PCDH9: variants seen among roughly 807,000 people sequenced by gnomAD.
PCDH9 encodes protocadherin-9.
Under a neutral mutation model 70.6 loss-of-function variants are expected in PCDH9, and 24 were observed. That is an observed-to-expected ratio of 0.34 (90% CI 0.25 to 0.48). The LOEUF is 0.48. Among genes scored for constraint, PCDH9 ranks in the 20% least tolerant of loss-of-function variants. PCDH9 has a pLI of 0.99. For synonymous variants in PCDH9, 562 were observed against 558.5 expected (o/e 1.01, Z -0.09); for missense variants, 1,281 against 1,503.6 (o/e 0.85, Z 2.45).
intron 2 of PCDH9, among the ~76,000 whole-genome samples, chr13:67,124,842 C>A (rs1333946913): frequency 6.6e-6 from 1 of 152,124 alleles, no homozygotes; most frequent in African/African-American, 2.4e-5. Flanking sequence ...ATTTTGGATT[C>A]TCTTTGATTT....
At chr13:66,849,374 A>G (rs1436959572) in intron 3 of PCDH9, among the ~76,000 whole-genome samples, 1 of 151,642 alleles carries the variant, frequency 6.6e-6, no homozygotes, top group Non-Finnish European at 1.5e-5. Flanking sequence ...CAGGTGTCCT[A>G]TGGGATCCCA....
intron 3 of PCDH9, among the ~76,000 whole-genome samples, chr13:66,892,373 T>G (rs2082111117): frequency 6.6e-6 from 1 of 151,660 alleles, no homozygotes; most frequent in Admixed American, 6.6e-5. Flanking sequence ...CATAATAAGA[T>G]GTCCATTTTA....
chr13:66,903,693 A>C, intron 2 of PCDH9, 88 bp from the exon 3 acceptor site: 1 of 578,760 alleles, frequency 1.7e-6, no homozygotes, highest in Non-Finnish European at 3.2e-6. Flanking sequence ...TGAGCCTAAT[A>C]AAGGAATACC....
chr13:67,155,539 G>C (rs2087787339), intron 2 of PCDH9, among the ~76,000 whole-genome samples: 1 of 152,086 alleles, frequency 6.6e-6, no homozygotes, highest in South Asian at 2.1e-4. Flanking sequence ...AAAATAACAA[G>C]GGAGCATATG....
chr13:66,505,499 G>A (rs1295450526), intron 4 of PCDH9, among the ~76,000 whole-genome samples: 1 of 151,568 alleles, frequency 6.6e-6, no homozygotes, highest in Non-Finnish European at 1.5e-5. Flanking sequence ...TACAATGCAA[G>A]GAGATGTTTG....
chr13:66,531,836 A>G (rs138274879), intron 4 of PCDH9, among the ~76,000 whole-genome samples: 360 of 152,316 alleles, frequency 2.4e-3, no homozygotes, highest in African/African-American at 8.3e-3. Context: ...TTGTTAATCA[A>G]CAATAGCACA....
chr13:66,375,578 A>G (rs1956733188), intron 4 of PCDH9, among the ~76,000 whole-genome samples: 1 of 152,138 alleles, frequency 6.6e-6, no homozygotes, highest in Non-Finnish European at 1.5e-5. Flanking sequence ...ACAAAATTTT[A>G]AGTATTATCT....
Position 66,890,843 on chromosome 13 carries a change from T to C in PCDH9, c.3138+12661A>G, listed in dbSNP as rs1258139346. Among the ~76,000 whole-genome samples the C allele has an allele frequency of 3.3e-5, 5 of 152,230 alleles. No individual in the cohort carries two copies. The East Asian group carries it at 9.6e-4, about 29-fold the overall frequency. ...CAGTAGCCTTGAATAAAATCTTCCTTGTCTGTTTAACTCTGTCAGTGTAAT... is the reference window on the plus strand; with the variant it reads ...CAGTAGCCTTGAATAAAATCTTCCTCGTCTGTTTAACTCTGTCAGTGTAAT... On this transcript the variant is annotated intron_variant, in intron 3 of 4. Transcript: ENST00000377865.
At chr13:66,850,976 A>C (rs147181631) in intron 3 of PCDH9, among the ~76,000 whole-genome samples, 99 of 152,332 alleles carry the variant, frequency 6.5e-4, no homozygotes, top group African/African-American at 2.2e-3. Flanking sequence ...GACCTCCTTG[A>C]GGAAATTCTG....
intron 4 of PCDH9, among the ~76,000 whole-genome samples, chr13:66,313,752 G>A (rs1955604369): frequency 6.6e-6 from 1 of 152,118 alleles, no homozygotes; most frequent in Non-Finnish European, 1.5e-5. Flanking sequence ...CTTCAGCCTT[G>A]TTTCTCTCCT....
chr13:66,935,756 A>G lies in PCDH9; in HGVS notation c.3037-32151T>C, dbSNP rs896371509. On this transcript the variant is annotated intron_variant, in intron 2 of 4. Transcript: ENST00000377865. ...AGTTCTACTAGTCACAAAGTTAGTT[A>G]CAGAACAACCCTTTTCAATATTAAT... 3.9e-5 allele frequency among the ~76,000 whole-genome samples: 6 copies of G among 152,182 alleles called. No homozygotes were observed. The South Asian group carries it at 1.2e-3, about 31-fold the overall frequency.
intron 3 of PCDH9, among the ~76,000 whole-genome samples, chr13:66,833,296 T>C (rs867613902): frequency 7.2e-5 from 11 of 152,308 alleles, no homozygotes; most frequent in South Asian, 6.2e-4. Flanking sequence ...GGATTCCATA[T>C]CTTGTCTTGT....
intron 3 of PCDH9, among the ~76,000 whole-genome samples, chr13:66,840,382 A>G (rs1234569417): frequency 6.6e-6 from 1 of 152,242 alleles, no homozygotes; most frequent in African/African-American, 2.4e-5. Context: ...TTAAATATTC[A>G]AATACATCTT....
At chr13:66,650,303 A>G (rs1418704200) in intron 3 of PCDH9, among the ~76,000 whole-genome samples, 2 of 152,054 alleles carry the variant, frequency 1.3e-5, no homozygotes, top group Admixed American at 6.5e-5. Context: ...TTCTATGCAA[A>G]TGGAAACTAA....
rs115207068 is a variant in PCDH9, at chr13:66,862,732, C to T, written c.3138+40772G>A. Among the ~76,000 whole-genome samples the T allele has an allele frequency of 2.9e-3, 447 of 152,238 alleles. 2 individuals carry two copies. Among genetic ancestry groups the T allele is most frequent in the African/African-American group, 1.0e-2 (415 of 41,542 alleles). On this transcript the variant is annotated intron_variant, in intron 3 of 4. Coordinates refer to ENST00000377865, the MANE Select transcript of PCDH9 (RefSeq NM_203487.3). ...CTGAATTTCAGTTGAGGGTCCCCTT[C>T]TCAAAAAGAATGACCTATGACTCAT...
intron 3 of PCDH9, among the ~76,000 whole-genome samples, chr13:66,704,691 CTTT>C (rs1369337927): frequency 6.6e-6 from 1 of 152,002 alleles, no homozygotes; most frequent in Non-Finnish European, 1.5e-5. Flanking sequence ...GTAAGTGTAA[CTTT>C]TTGCAAAGTG....
chr13:67,152,281 A>G (rs377761949), intron 2 of PCDH9, among the ~76,000 whole-genome samples: 1 of 152,322 alleles, frequency 6.6e-6, no homozygotes, highest in African/African-American at 2.4e-5. Flanking sequence ...GCCTGATACA[A>G]TTTAGTTCAA....
At chr13:67,019,397 G>T (rs963033475) in intron 2 of PCDH9, among the ~76,000 whole-genome samples, 1 of 151,242 alleles carries the variant, frequency 6.6e-6, no homozygotes, top group Admixed American at 6.6e-5. Context: ...GGGTTTCACC[G>T]TGTTAGCCAG....
intron 3 of PCDH9, among the ~76,000 whole-genome samples, chr13:66,794,582 C>T (rs914505465): frequency 6.6e-6 from 1 of 152,100 alleles, no homozygotes; most frequent in Non-Finnish European, 1.5e-5. Context: ...ACCATTATCA[C>T]CCAACCTCCA....
Sources: allele counts gnomAD v4.1 joint callset (sites outside exome capture counted in the v4.1 genomes callset), GRCh38; gene constraint gnomAD v4.1.1; transcripts MANE v1.5; gene names NCBI Gene and HGNC (gene_info 2026-07-23, HGNC 2026-07-21).